Variants in ARHGAP24 observed in about 807,000 individuals in gnomAD.
ARHGAP24 encodes the protein rho GTPase-activating protein 24.
In ARHGAP24, 50 loss-of-function variants were observed where a neutral mutation model predicts 76.4. The observed-to-expected ratio is 0.65, with a 90% confidence interval of 0.52 to 0.83. The LOEUF (loss-of-function observed/expected upper bound fraction) is 0.83, where lower values mean the gene tolerates loss of function less well. ARHGAP24 is among the 40% of genes least tolerant of loss of function. ARHGAP24 has a pLI of 0.00. For synonymous variants in ARHGAP24, 345 were observed against 323.3 expected, an observed-to-expected ratio of 1.07 and a Z score of -0.72; for missense variants, 930 against 914.2, an observed-to-expected ratio of 1.02 and a Z score of -0.22.
chr4:85,570,752 G>A (rs775046314), intron 2 of ARHGAP24, 31 bp downstream of exon 2: 2 of 1,610,576 alleles, frequency 1.2e-6, no homozygotes, highest in South Asian at 1.1e-5. Context: ...AGCATTAAGG[G>A]CCTAAGAAAG....
rs986789064 is a variant in ARHGAP24 at position 86,001,321 on chromosome 4, T to C, written c.*599T>C. On this transcript the variant is annotated 3_prime_UTR_variant, in exon 10 of 10. Transcript: ENST00000395184. ...ATACAGTCGAATCACCAGGAACCTT[T>C]GAGCTGCTTTTAAAATTCTTCCCCT... 4 of 398,894 alleles carry C rather than the reference T, an allele frequency of 1.0e-5. No individual in the cohort carries two copies. The highest frequency in any genetic ancestry group is 1.8e-5 in the Non-Finnish European group (4 of 226,088). 24.7% of individuals were successfully genotyped at this position (398,894 alleles called of 1,614,324 possible).
intron 3 of ARHGAP24, among the ~76,000 whole-genome samples, chr4:85,861,914 T>A (rs1409025930): frequency 1.3e-5 from 2 of 152,116 alleles, no homozygotes; most frequent in African/African-American, 4.8e-5. Flanking sequence ...TCAGTTGCCC[T>A]TGATAATTCC....
At chr4:85,865,625 C>T (rs345345) in intron 3 of ARHGAP24, among the ~76,000 whole-genome samples, 142,128 of 149,244 alleles carry the variant, frequency 0.95, 68,115 homozygotes, top group East Asian at 1. Context: ...AGGGAATGTA[C>T]ATTTTATTTG....
intron 1 of ARHGAP24, among the ~76,000 whole-genome samples, chr4:85,505,706 T>C (rs913215866): frequency 1.3e-5 from 2 of 152,098 alleles, no homozygotes; most frequent in African/African-American, 2.4e-5. Flanking sequence ...TTATTACCGA[T>C]CTTCTGAAGT....
chr4:85,642,234 C>T (rs190991876), intron 2 of ARHGAP24, among the ~76,000 whole-genome samples: 20 of 152,222 alleles, frequency 1.3e-4, no homozygotes, highest in Admixed American at 1.0e-3. Flanking sequence ...ATTCTGTTTT[C>T]CAAGGCCTGT....
intron 1 of ARHGAP24, among the ~76,000 whole-genome samples, chr4:85,559,009 A>T (rs71672791): frequency 1.1e-5 from 1 of 88,330 alleles, no homozygotes; most frequent in African/African-American, 3.1e-5. Context: ...GAAAGCTTTC[A>T]TCTTAGCTTA....
chr4:85,668,397 T>C (rs1399692096), intron 2 of ARHGAP24, among the ~76,000 whole-genome samples: 1 of 151,686 alleles, frequency 6.6e-6, no homozygotes, highest in Non-Finnish European at 1.5e-5. Context: ...CAGGGGCTAC[T>C]AGGAGAATAA....
chr4:85,917,562 T>C (rs1735487377), intron 3 of ARHGAP24, among the ~76,000 whole-genome samples: 1 of 152,180 alleles, frequency 6.6e-6, no homozygotes, highest in Admixed American at 6.5e-5. Context: ...CTCCACATCC[T>C]CTCCAACATC....
intron 2 of ARHGAP24, among the ~76,000 whole-genome samples, chr4:85,700,972 A>G (rs1326753891): frequency 2.0e-5 from 3 of 152,178 alleles, no homozygotes; most frequent in Non-Finnish European, 2.9e-5. Flanking sequence ...TTATTCCTTG[A>G]GAAATCCTTC....
chr4:85,912,026 A>C (rs2148800411), intron 3 of ARHGAP24, among the ~76,000 whole-genome samples: 1 of 152,196 alleles, frequency 6.6e-6, no homozygotes, highest in South Asian at 2.1e-4. Flanking sequence ...ATTAGGTGAG[A>C]CCCCCTAATT....
At chr4:85,759,154 T>A (rs1726638209) in intron 3 of ARHGAP24, among the ~76,000 whole-genome samples, 1 of 152,204 alleles carries the variant, frequency 6.6e-6, no homozygotes, top group Admixed American at 6.5e-5. Flanking sequence ...AATCTCAATT[T>A]TAGTTTTTCC....
At chr4:85,559,835 T>C (rs1259120068) in intron 1 of ARHGAP24, among the ~76,000 whole-genome samples, 3 of 152,214 alleles carry the variant, frequency 2.0e-5, no homozygotes, top group African/African-American at 7.2e-5. Context: ...CACTTTCCAT[T>C]AAAATAAGTT....
rs180779228 is a variant in ARHGAP24 at position 85,921,976 on chromosome 4, G to C, written c.269-1672G>C. 3.5e-3 allele frequency among the ~76,000 whole-genome samples: 529 copies of C among 152,272 alleles called. 5 individuals carry two copies. The highest frequency in any genetic ancestry group is 0.027 in the Middle Eastern group (8 of 294). ...AAACTGGGTCCCTGGTACCAAAAAGGTTGGGGATCACTGATGATCAACCTA... is the reference window on the plus strand; with the variant it reads ...AAACTGGGTCCCTGGTACCAAAAAGCTTGGGGATCACTGATGATCAACCTA... On this transcript the variant is annotated intron_variant, in intron 3 of 9. Transcript: ENST00000395184.
intron 2 of ARHGAP24, among the ~76,000 whole-genome samples, chr4:85,611,652 G>C (rs564773786): frequency 6.6e-6 from 1 of 152,250 alleles, no homozygotes; most frequent in East Asian, 1.9e-4. Context: ...CCATGAACCC[G>C]ATCCCTTCCT....
chr4:85,847,032 G>C (rs953381157), intron 3 of ARHGAP24, among the ~76,000 whole-genome samples: 4 of 152,276 alleles, frequency 2.6e-5, no homozygotes, highest in African/African-American at 4.8e-5. Context: ...CAGTGTGAGG[G>C]TATAGAGCTT....
chr4:85,916,455 T>TAC (rs1735405073), intron 3 of ARHGAP24, among the ~76,000 whole-genome samples: 1 of 152,138 alleles, frequency 6.6e-6, no homozygotes. Context: ...GTGAACTTAA[T>TAC]ACACATCTAC....
intron 2 of ARHGAP24, among the ~76,000 whole-genome samples, chr4:85,639,108 T>C (rs1011288593): frequency 2.0e-5 from 3 of 152,170 alleles, no homozygotes; most frequent in African/African-American, 7.2e-5. Context: ...TTGTTTCTTA[T>C]TCCCCAAATT....
At chr4:85,963,870 A>G (rs947598969) in intron 5 of ARHGAP24, among the ~76,000 whole-genome samples, 2 of 152,100 alleles carry the variant, frequency 1.3e-5, no homozygotes, top group East Asian at 1.9e-4. Flanking sequence ...TATATTTAGT[A>G]CTGATGATTA....
In ARHGAP24 at chr4:85,538,338, T is replaced by G. The variant is rs78609431; in HGVS notation, c.-20-32184T>G. On this transcript the variant is annotated intron_variant, in intron 1 of 9. Transcript: ENST00000395184. ...ATTTTGAGTACACCGTAGTTATATGTTGATTATTTTTATTTTACTATTTTG... is the reference window on the plus strand; with the variant it reads ...ATTTTGAGTACACCGTAGTTATATGGTGATTATTTTTATTTTACTATTTTG... Among the ~76,000 whole-genome samples the G allele has an allele frequency of 9.7e-3, 1,475 of 152,292 alleles. 13 individuals are homozygous for G. Among genetic ancestry groups the G allele is most frequent in the East Asian group, 0.019 (97 of 5,192 alleles).
Sources: allele counts gnomAD v4.1 joint callset (sites outside exome capture counted in the v4.1 genomes callset), GRCh38; gene constraint gnomAD v4.1.1; transcripts MANE v1.5; gene names NCBI Gene and HGNC (gene_info 2026-07-23, HGNC 2026-07-21).